AKAP7: variants seen among roughly 807,000 people sequenced by gnomAD.
AKAP7 encodes the protein A kinase (PRKA) anchor protein 7.
In AKAP7, 39 loss-of-function variants were observed where a neutral mutation model predicts 39.5. The ratio of observed to expected loss-of-function variants is 0.99; its 90% confidence interval spans 0.76 to 1.29. The LOEUF (loss-of-function observed/expected upper bound fraction) is 1.29, where lower values mean the gene tolerates loss of function less well. Ranked by LOEUF, AKAP7 falls within the 50% of genes most tolerant of loss-of-function variation. AKAP7 has a pLI of 0.00. For synonymous variants in AKAP7, 140 were observed against 139.1 expected (o/e 1.01, Z -0.05); for missense variants, 414 against 407.7 (o/e 1.02, Z -0.13).
chr6:131,260,046 G>A (rs536167598), intron 7 of AKAP7, among the ~76,000 whole-genome samples: 11 of 152,086 alleles, frequency 7.2e-5, no homozygotes, highest in African/African-American at 2.7e-4. Context: ...GAGAACATGT[G>A]GTGTTTGTTT....
intron 6 of AKAP7, chr6:131,199,985 A>C: frequency 5.3e-6 from 1 of 187,120 alleles, no homozygotes; most frequent in Non-Finnish European, 1.1e-5. Context: ...AGCTTTTTTT[A>C]CCCCTCTTCC....
intron 7 of AKAP7, among the ~76,000 whole-genome samples, chr6:131,275,035 A>G (rs1489251835): frequency 1.3e-5 from 2 of 152,210 alleles, no homozygotes; most frequent in African/African-American, 4.8e-5. Flanking sequence ...TAACTAGGTC[A>G]TCCTCCTAGA....
chr6:131,170,936 T>C (rs1420555503), intron 5 of AKAP7, among the ~76,000 whole-genome samples: 1 of 152,264 alleles, frequency 6.6e-6, no homozygotes, highest in African/African-American at 2.4e-5. Context: ...GTACTTGAAA[T>C]ACGTTTTACA....
In AKAP7 at chr6:131,160,169, T is replaced by A; in HGVS notation, c.262T>A (p.Phe88Ile). 6.2e-7 allele frequency: 1 copy of A among 1,611,192 alleles called. No homozygotes were observed. The highest frequency in any genetic ancestry group is 1.1e-5 in the South Asian group (1 of 90,316). The change falls in exon 3 of 8, where the codon TTC becomes ATC. Residue 88 changes from phenylalanine (F) to isoleucine (I), a missense_variant. Transcript: ENST00000431975. Reference protein sequence around the residue: ...KKRKDYQPNYFLSIPITNKEI... With the variant: ...KKRKDYQPNYILSIPITNKEI... ...GAGAAAAGATTATCAACCCAACTAT[T>A]TCCTGTCCATTCCAATCACCAACAA...
intron 7 of AKAP7, among the ~76,000 whole-genome samples, chr6:131,260,047 G>GTGTT (rs1306926281): frequency 6.6e-6 from 1 of 151,926 alleles, no homozygotes; most frequent in Non-Finnish European, 1.5e-5. Context: ...AGAACATGTG[G>GTGTT]TGTTTGTTTT....
At chr6:131,215,303 C>G (rs140705362) in intron 6 of AKAP7, among the ~76,000 whole-genome samples, 8 of 152,330 alleles carry the variant, frequency 5.3e-5, no homozygotes, top group African/African-American at 1.7e-4. Flanking sequence ...CATAGACTGG[C>G]CCAGAGCGGC....
intron 7 of AKAP7, among the ~76,000 whole-genome samples, chr6:131,271,227 T>A (rs569860994): frequency 6.6e-6 from 1 of 152,260 alleles, no homozygotes; most frequent in East Asian, 1.9e-4. Context: ...TGATTCATTT[T>A]AATTTTTATA....
chr6:131,204,749 G>A (rs1190805), intron 6 of AKAP7, among the ~76,000 whole-genome samples: 43,695 of 152,010 alleles, frequency 0.29, 6,951 homozygotes, highest in Non-Finnish European at 0.36. Flanking sequence ...GGCAGCCACC[G>A]GATTCAGAAA....
At chr6:131,178,507 A>C (rs898049423) in intron 5 of AKAP7, among the ~76,000 whole-genome samples, 1 of 152,154 alleles carries the variant, frequency 6.6e-6, no homozygotes, top group African/African-American at 2.4e-5. Flanking sequence ...CTACACCCAT[A>C]CACCACTCTG....
At chr6:131,252,233 GCTTA>G (rs1372688887) in intron 7 of AKAP7, among the ~76,000 whole-genome samples, 3 of 152,110 alleles carry the variant, frequency 2.0e-5, no homozygotes, top group African/African-American at 7.2e-5. Context: ...TGCTTTTGGG[GCTTA>G]CTGTTTCAAA....
intron 5 of AKAP7, among the ~76,000 whole-genome samples, chr6:131,174,320 T>C (rs1804363444): frequency 6.6e-6 from 1 of 152,264 alleles, no homozygotes; most frequent in Non-Finnish European, 1.5e-5. Context: ...GGGGACTTAC[T>C]GTGTCAGGCA....
intron 6 of AKAP7, among the ~76,000 whole-genome samples, chr6:131,203,123 A>G (rs1370699265): frequency 1.3e-5 from 2 of 152,224 alleles, no homozygotes; most frequent in Non-Finnish European, 2.9e-5. Flanking sequence ...CAGCAAATCT[A>G]CTGTAAAGGT....
chr6:131,242,576 G>C (rs1171536993), intron 7 of AKAP7, among the ~76,000 whole-genome samples: 2 of 151,632 alleles, frequency 1.3e-5, no homozygotes, highest in Non-Finnish European at 2.9e-5. Context: ...AGCAGATACA[G>C]ATTTTTATTA....
At chr6:131,224,290 T>C (rs1809960129) in intron 7 of AKAP7, among the ~76,000 whole-genome samples, 1 of 152,214 alleles carries the variant, frequency 6.6e-6, no homozygotes, top group Non-Finnish European at 1.5e-5. Flanking sequence ...GGATACTTTG[T>C]TTTATTTCTT....
chr6:131,126,692 G>T, the AKAP7 span, among the ~76,000 whole-genome samples: 2 of 152,150 alleles, frequency 1.3e-5, no homozygotes, highest in African/African-American at 2.4e-5. Context: ...AATGCTCGTG[G>T]CGTGAATGGG....
chr6:131,255,481 A>G (rs908374980), intron 7 of AKAP7, among the ~76,000 whole-genome samples: 6 of 152,140 alleles, frequency 3.9e-5, no homozygotes, highest in African/African-American at 1.4e-4. Context: ...AGGATAGGGA[A>G]CCTCCCATCA....
At chr6:131,188,494 TACTC>T (rs56667974) in intron 5 of AKAP7, among the ~76,000 whole-genome samples, 3,844 of 152,260 alleles carry the variant, frequency 0.025, 157 homozygotes, top group African/African-American at 0.087. Context: ...ACATGGAAAA[TACTC>T]ATGCTTGCTA....
At chr6:131,257,847 G>A (rs1282478348) in intron 7 of AKAP7, among the ~76,000 whole-genome samples, 2 of 152,140 alleles carry the variant, frequency 1.3e-5, no homozygotes, top group Non-Finnish European at 2.9e-5. Flanking sequence ...ACTACATGAA[G>A]CAGTAAATCC....
At chr6:131,267,137 T>C (rs1813867387) in intron 7 of AKAP7, among the ~76,000 whole-genome samples, 1 of 152,208 alleles carries the variant, frequency 6.6e-6, no homozygotes, top group African/African-American at 2.4e-5. Context: ...TTTTAAAAAA[T>C]ATTATGAAAA....
Sources: allele counts gnomAD v4.1 joint callset (sites outside exome capture counted in the v4.1 genomes callset), GRCh38; gene constraint gnomAD v4.1.1; transcripts MANE v1.5; gene names NCBI Gene and HGNC (gene_info 2026-07-23, HGNC 2026-07-21).